FGF13: variants seen among roughly 807,000 people sequenced by gnomAD.
The protein encoded by FGF13 is fibroblast growth factor homologous factor 2.
FGF13 carries 2 observed loss-of-function variants against 19.5 expected under a neutral mutation model. The ratio of observed to expected loss-of-function variants is 0.10; its 90% CI spans 0.04 to 0.32. The LOEUF (loss-of-function observed/expected upper bound fraction) is 0.32. FGF13 is among the 10% of genes least tolerant of loss of function. The pLI is 1.00. For synonymous variants in FGF13, 72 were observed against 76.9 expected, an observed-to-expected ratio of 0.94 and a Z score of 0.33; for missense variants, 113 against 192.7, an observed-to-expected ratio of 0.59 and a Z score of 2.45.
chrX:138,731,571 C>T (rs1479859748), intron 1 of FGF13, among the ~76,000 whole-genome samples: 3 of 109,812 alleles, frequency 2.7e-5, no homozygotes, highest in Non-Finnish European at 5.7e-5. Flanking sequence ...GCTTTAAATG[C>T]CTTCACTCAA....
chrX:138,755,563 A>C (rs2090426612), intron 3 of FGF13, among the ~76,000 whole-genome samples: 1 of 112,842 alleles, frequency 8.9e-6, no homozygotes, highest in African/African-American at 3.2e-5. Context: ...TTAAATAACA[A>C]ATACATGAAA....
intron 1 of FGF13, among the ~76,000 whole-genome samples, chrX:139,086,058 C>T: frequency 8.9e-6 from 1 of 112,194 alleles, no homozygotes; most frequent in East Asian, 2.8e-4. Flanking sequence ...ATAACATGAA[C>T]TTAGTTGACT....
chrX:139,163,324 T>C (rs1000721654), intron 1 of FGF13, among the ~76,000 whole-genome samples: 1 of 110,351 alleles, frequency 9.1e-6, no homozygotes, highest in Non-Finnish European at 1.9e-5. Context: ...CTCTCACTCA[T>C]AAGTGGGAGT....
At chrX:138,663,690 G>A (rs1315042408) in intron 3 of FGF13, among the ~76,000 whole-genome samples, 1 of 111,774 alleles carries the variant, frequency 8.9e-6, no homozygotes, top group African/African-American at 3.2e-5. Context: ...AGTTGTGGTT[G>A]TGGATAATCT....
At chrX:138,852,399 C>T (rs2091228726) in intron 3 of FGF13, among the ~76,000 whole-genome samples, 1 of 111,033 alleles carries the variant, frequency 9.0e-6, no homozygotes, top group African/African-American at 3.3e-5. Context: ...GAAATAAGAC[C>T]GCACACCTAC....
intron 1 of FGF13, among the ~76,000 whole-genome samples, chrX:139,056,505 C>T (rs1357650297): frequency 8.9e-6 from 1 of 112,483 alleles, no homozygotes; most frequent in African/African-American, 3.2e-5. Context: ...GTTGTTATTA[C>T]AAGGGATTTT....
At chrX:138,947,730 C>T (rs1273830125) in intron 1 of FGF13, among the ~76,000 whole-genome samples, 2 of 111,665 alleles carry the variant, frequency 1.8e-5, no homozygotes, top group East Asian at 2.8e-4. Flanking sequence ...CACAAAACTA[C>T]GGGGCTGAAC....
intron 1 of FGF13, among the ~76,000 whole-genome samples, chrX:138,892,701 G>A (rs753290437): frequency 9.0e-6 from 1 of 110,543 alleles, no homozygotes; most frequent in African/African-American, 3.3e-5. Context: ...GCTTAGTGGG[G>A]AGCCTCTAGT....
chrX:138,740,687 C>T (rs2090312772), upstream of FGF13, among the ~76,000 whole-genome samples: 1 of 111,703 alleles, frequency 9.0e-6, no homozygotes, highest in Non-Finnish European at 1.9e-5. Flanking sequence ...CTTTAGAACC[C>T]AAAAAGGCAA....
intron 1 of FGF13, among the ~76,000 whole-genome samples, chrX:139,106,334 G>A (rs41300307): frequency 0.11 from 11,837 of 112,360 alleles, 468 homozygotes; most frequent in South Asian, 0.2. Context: ...ATCCAGCTGG[G>A]CAGCCACAGA....
intron 1 of FGF13, among the ~76,000 whole-genome samples, chrX:139,150,097 A>G (rs779464570): frequency 9.0e-6 from 1 of 111,708 alleles, no homozygotes; most frequent in East Asian, 2.8e-4. Context: ...GAACTACCAA[A>G]TGAGAGGGAG....
downstream of FGF13, among the ~76,000 whole-genome samples, chrX:138,855,486 G>A (rs1398379481): frequency 9.0e-6 from 1 of 111,553 alleles, no homozygotes; most frequent in African/African-American, 3.3e-5. Flanking sequence ...AGAAATATTA[G>A]CTTTGATATC....
At chrX:138,659,521 C>G (rs983840125) in intron 3 of FGF13, among the ~76,000 whole-genome samples, 4 of 111,302 alleles carry the variant, frequency 3.6e-5, no homozygotes, top group African/African-American at 1.3e-4. Context: ...GGATCTAGAA[C>G]CAGAAATACC....
intron 3 of FGF13, among the ~76,000 whole-genome samples, chrX:138,767,053 C>T (rs777721468): frequency 2.9e-4 from 32 of 111,341 alleles, no homozygotes; most frequent in Non-Finnish European, 5.8e-4. Flanking sequence ...TGCTCAAGGA[C>T]GAGGCTCTGT....
intron 2 of FGF13, among the ~76,000 whole-genome samples, chrX:138,863,054 C>T (rs1188070789): frequency 9.0e-6 from 1 of 110,948 alleles, no homozygotes; most frequent in African/African-American, 3.3e-5. Context: ...TGCCTCAAGG[C>T]CTTGTACCCC....
chrX:139,054,431 T>C (rs1040771155), intron 1 of FGF13, among the ~76,000 whole-genome samples: 2 of 111,649 alleles, frequency 1.8e-5, no homozygotes, highest in Non-Finnish European at 3.8e-5. Context: ...CTGGTCTACA[T>C]GCCTATTTTT....
intron 1 of FGF13, among the ~76,000 whole-genome samples, chrX:138,898,914 G>A (rs1233636657): frequency 9.0e-6 from 1 of 111,190 alleles, no homozygotes; most frequent in Non-Finnish European, 1.9e-5. Flanking sequence ...CCTATCAAAG[G>A]CTCAGAAGGA....
intron 1 of FGF13, among the ~76,000 whole-genome samples, chrX:138,907,991 C>A (rs1316164306): frequency 9.1e-6 from 1 of 110,236 alleles, no homozygotes; most frequent in Non-Finnish European, 1.9e-5. Context: ...CTATTTGGTG[C>A]ATCAAATACA....
chrX:139,168,210 C>T (rs2084101308), intron 1 of FGF13, among the ~76,000 whole-genome samples: 1 of 111,705 alleles, frequency 9.0e-6, no homozygotes, highest in Non-Finnish European at 1.9e-5. Flanking sequence ...TCAATACAAC[C>T]ATTCGATCAA....
Sources: allele counts gnomAD v4.1 joint callset (sites outside exome capture counted in the v4.1 genomes callset), GRCh38; gene constraint gnomAD v4.1.1; transcripts MANE v1.5; gene names NCBI Gene and HGNC (gene_info 2026-07-23, HGNC 2026-07-21).